FRYL: variants seen among roughly 807,000 people sequenced by gnomAD.
FRYL encodes FRY like transcription coactivator.
In FRYL, 150 loss-of-function variants were observed where a neutral mutation model predicts 351.2. The observed-to-expected ratio is 0.43, with a 90% CI of 0.37 to 0.49. FRYL has a LOEUF of 0.49. FRYL is among the 20% of genes least tolerant of loss of function. The pLI is 0.00. For missense variants in FRYL, 3,036 were observed against 3,619.3 expected, an observed-to-expected ratio of 0.84 and a Z score of 4.13; for synonymous variants, 1,153 against 1,257.1, an observed-to-expected ratio of 0.92 and a Z score of 1.75.
chr4:48,534,805 G>C (rs1426505289), intron 48 of FRYL, 120 bp from the exon 49 acceptor site: 2 of 599,396 alleles, frequency 3.3e-6, no homozygotes, highest in Admixed American at 6.5e-5. Flanking sequence ...TAGTTATGTG[G>C]ATTAGAAATC....
At chr4:48,593,582 GTGATCTGCCAGCCTCAGGT>G (rs955180289) in intron 16 of FRYL, among the ~76,000 whole-genome samples, 2 of 440 alleles carry the variant, frequency 4.5e-3, no homozygotes, top group Admixed American at 0.036. Context: ...CCAGCCTCAG[GTGATCTGCCAGCCTCAGGT>G]GATCTGCCCG....
chr4:48,675,986 G>A, intron 3 of FRYL, among the ~76,000 whole-genome samples: 1 of 152,168 alleles, frequency 6.6e-6, no homozygotes, highest in Non-Finnish European at 1.5e-5. Context: ...TGGGGCCTTG[G>A]AGAACCTGTG....
intron 1 of FRYL, among the ~76,000 whole-genome samples, chr4:48,768,840 G>A (rs769139620): frequency 6.6e-6 from 1 of 151,784 alleles, no homozygotes. Context: ...TTGATTAAAT[G>A]CATTATATGG....
Position 48,629,736 on chromosome 4 carries a change from AG to A in FRYL, c.120+4554del, listed in dbSNP as rs1341401058. On this transcript the variant is annotated intron_variant, in intron 4 of 63. Transcript: ENST00000358350. ...GGAAGTGAGTGAGCTTGACCCACAGAGAGTAAAGGAAAGATAACCCAACTGA... is the reference window on the plus strand; with the variant it reads ...GGAAGTGAGTGAGCTTGACCCACAGAAGTAAAGGAAAGATAACCCAACTGA... Among the ~76,000 whole-genome samples the A allele has an allele frequency of 2.0e-5, 3 of 152,270 alleles. No homozygotes were observed. The East Asian group carries it at 5.8e-4, about 29-fold the overall frequency.
chr4:48,736,849 C>CAA (rs1560334018), intron 1 of FRYL, among the ~76,000 whole-genome samples: 10 of 28,096 alleles, frequency 3.6e-4, no homozygotes, highest in East Asian at 2.5e-3. Context: ...GACTCTGTCT[C>CAA]GAAAAAAAAA....
At position 48,557,711 on chromosome 4, in the gene FRYL, C is replaced by G; in HGVS notation, c.3867G>C (p.Glu1289Asp). The G allele has an allele frequency of 6.2e-7, 1 of 1,612,774 alleles. No homozygotes were observed. ...GAGCTGTCTGGATTCTCTGGCTTATCTCTGAAATTGAAAACAAGTCAAAGA... is the reference window on the plus strand; with the variant it reads ...GAGCTGTCTGGATTCTCTGGCTTATGTCTGAAATTGAAAACAAGTCAAAGA... ...YPELTLAIFSEISQRIQTAHP... is the reference protein window; with the variant it reads ...YPELTLAIFSDISQRIQTAHP... Residue 1289 changes from glutamate (E) to aspartate (D), a missense_variant and splice_region_variant, in exon 34 of 64, where the codon GAG becomes GAC. Physicochemically the swap from Glu to Asp is conservative, Grantham distance 45. This residue lies in a region of FRYL where 1,987 missense variants were observed against 2,311.7 expected (regional missense o/e 0.86). Coordinates refer to ENST00000358350, the MANE Select transcript of FRYL (RefSeq NM_015030.2).
At chr4:48,766,548 A>T (rs1260495848) in intron 1 of FRYL, among the ~76,000 whole-genome samples, 1 of 152,140 alleles carries the variant, frequency 6.6e-6, no homozygotes, top group Non-Finnish European at 1.5e-5. Context: ...ACCAGCTCTG[A>T]TCTCTCAGCT....
chr4:48,537,283 G>A (rs1729091947), intron 47 of FRYL, among the ~76,000 whole-genome samples: 1 of 152,134 alleles, frequency 6.6e-6, no homozygotes, highest in Non-Finnish European at 1.5e-5. Context: ...TGGAATATCT[G>A]CTGTGCAATT....
chr4:48,500,079 A>C lies in FRYL; in HGVS notation c.8734T>G (p.Leu2912Val), dbSNP rs747222952. Residue 2912 changes from leucine (L) to valine (V), a missense_variant, in exon 63 of 64, where the codon TTG becomes GTG. Coordinates refer to ENST00000358350, the MANE Select transcript of FRYL (RefSeq NM_015030.2). ...GCTGATATAAATTCTTTATTTTTCA[A>C]AGTTTCAATTAAAGAATGAATGGCA... The part of the protein sequence containing the change: ...ETAIHSLIET[L>V]KNKEFISAVA... 6.3e-7 allele frequency: 1 copy of C among 1,595,584 alleles called. No individual in the cohort carries two copies. Among genetic ancestry groups the C allele is most frequent in the South Asian group, 1.2e-5 (1 of 86,326 alleles).
chr4:48,725,165 CAA>C (rs2149614896), intron 1 of FRYL, among the ~76,000 whole-genome samples: 1 of 152,318 alleles, frequency 6.6e-6, no homozygotes, highest in African/African-American at 2.4e-5. Flanking sequence ...TGACATGAGA[CAA>C]AAGAGAATCA....
intron 1 of FRYL, among the ~76,000 whole-genome samples, chr4:48,711,877 A>G (rs1189242919): frequency 6.6e-6 from 1 of 152,196 alleles, no homozygotes; most frequent in Non-Finnish European, 1.5e-5. Flanking sequence ...AAACTTCCAG[A>G]GGAACGATCA....
In FRYL at chr4:48,528,280, C is replaced by T; in HGVS notation, c.6960G>A (p.Gly2320=). ...GDQHSAAGRN[G]KPKVIAVTRS... ...TAGTGACAGCAATAACTTTTGGTTT[C>T]CCATTTCTTCCAGCCGCACTGTGCT... Residue 2320 remains glycine (G), a synonymous_variant, in exon 51 of 64, where the codon GGG becomes GGA. Transcript: ENST00000358350. 1 of 1,613,336 alleles carries T rather than the reference C, an allele frequency of 6.2e-7. No individual in the cohort carries two copies. The highest frequency in any genetic ancestry group is 8.5e-7 in the Non-Finnish European group (1 of 1,179,516).
chr4:48,506,479 G>GACTC (rs1417197005), intron 59 of FRYL: 3 of 151,218 alleles, frequency 2.0e-5, no homozygotes, highest in African/African-American at 7.3e-5. Flanking sequence ...AAGAACGCTG[G>GACTC]ACTCACAGAA....
intron 33 of FRYL, among the ~76,000 whole-genome samples, chr4:48,561,022 T>G (rs1735382777): frequency 6.6e-6 from 1 of 152,146 alleles, no homozygotes; most frequent in African/African-American, 2.4e-5. Flanking sequence ...TAGAAAGAGT[T>G]TTGCTCGAGG....
chr4:48,516,548 C>T (rs1205673592), intron 55 of FRYL, among the ~76,000 whole-genome samples: 8 of 152,138 alleles, frequency 5.3e-5, no homozygotes, highest in Non-Finnish European at 8.8e-5. Context: ...AGCTCCTTAT[C>T]TGTTTTTCAT....
At chr4:48,665,065 T>G (rs573303751) in intron 3 of FRYL, among the ~76,000 whole-genome samples, 4 of 152,306 alleles carry the variant, frequency 2.6e-5, no homozygotes, top group Admixed American at 2.6e-4. Context: ...GTTAGCAACA[T>G]AAAACCAGTA....
intron 1 of FRYL, 62 bp from the exon 2 acceptor site, chr4:48,710,760 C>T: frequency 2.5e-6 from 1 of 395,036 alleles, no homozygotes; most frequent in African/African-American, 2.1e-5. Flanking sequence ...AACATGTTAA[C>T]ATTTTAGCAG....
At chr4:48,612,593 T>C (rs971828953) in intron 7 of FRYL, among the ~76,000 whole-genome samples, 7 of 152,162 alleles carry the variant, frequency 4.6e-5, no homozygotes, top group Admixed American at 4.6e-4. Flanking sequence ...TTATTTATTT[T>C]TGAGACAGTC....
chr4:48,570,905 C>T lies in FRYL; in HGVS notation c.2918G>A (p.Arg973His), dbSNP rs1257891299. 3.7e-6 allele frequency: 6 copies of T among 1,612,864 alleles called. No individual in the cohort carries two copies. The highest frequency in any genetic ancestry group is 2.2e-5 in the East Asian group (1 of 44,872). The change falls in exon 27 of 64, where the codon CGC becomes CAC. Residue 973 changes from arginine (R) to histidine (H), a missense_variant. Coordinates refer to ENST00000358350, the MANE Select transcript of FRYL (RefSeq NM_015030.2). ...TACTCGTAAAATGTCTCGACGCCTG[C>T]GCCGTTTCATATTCTATTCCAAAGA... The part of the protein sequence containing the change: ...LERRPENMKR[R>H]RRRDILRVQL...
Sources: gnomAD v4.1 joint callset for allele counts (sites outside exome capture counted in the v4.1 genomes callset) on GRCh38, gnomAD v4.1.1 for gene constraint, gnomAD v4.1.1 regional missense constraint, MANE v1.5 for transcripts, NCBI Gene and HGNC (gene_info 2026-07-23, HGNC 2026-07-21) for gene names.